TMEM221: variants seen among roughly 807,000 people sequenced by gnomAD.
The protein encoded by TMEM221 is transmembrane protein 221, also known as Putative transmembrane protein ENSP00000342162.
TMEM221 carries 11 observed loss-of-function variants against 10.2 expected under a neutral mutation model. The ratio of observed to expected loss-of-function variants is 1.08; its 90% confidence interval spans 0.68 to 1.79. The LOEUF (loss-of-function observed/expected upper bound fraction) is 1.79. TMEM221 is among the 40% of genes most tolerant of loss of function. TMEM221 has a pLI of 0.00. For missense variants in TMEM221, 382 were observed against 417.7 expected (o/e 0.91, Z 0.75); for synonymous variants, 172 against 199.8 (o/e 0.86, Z 1.18).
At chr19:17,441,829 C>A (rs2074933162) in intron 2 of TMEM221, among the ~76,000 whole-genome samples, 1 of 124,834 alleles carries the variant, frequency 8.0e-6, no homozygotes, top group Non-Finnish European at 1.8e-5. Context: ...AGGCCAAGGA[C>A]TTTTTTTTTT....
chr19:17,442,857 A>G (rs1280527388), intron 2 of TMEM221, among the ~76,000 whole-genome samples: 3 of 152,088 alleles, frequency 2.0e-5, no homozygotes, highest in Non-Finnish European at 4.4e-5. Context: ...TAAAAAAAAA[A>G]CTACTTCTGG....
chr19:17,444,042 T>G (rs571257601), intron 2 of TMEM221, among the ~76,000 whole-genome samples: 1 of 150,992 alleles, frequency 6.6e-6, no homozygotes, highest in Non-Finnish European at 1.5e-5. Context: ...CAAAACAGCT[T>G]TCACTCATTC....
intron 2 of TMEM221, among the ~76,000 whole-genome samples, chr19:17,439,320 A>G (rs569299341): frequency 6.6e-6 from 1 of 152,236 alleles, no homozygotes; most frequent in South Asian, 2.1e-4. Context: ...CCAGGAAAAC[A>G]TCGTTCTGAG....
chr19:17,440,020 C>T (rs1372740480), intron 2 of TMEM221, among the ~76,000 whole-genome samples: 1 of 151,916 alleles, frequency 6.6e-6, no homozygotes, highest in Non-Finnish European at 1.5e-5. Context: ...GAGACCAGTC[C>T]CTACAAAAAA....
chr19:17,445,446 C>T (rs1273666792), intron 1 of TMEM221, among the ~76,000 whole-genome samples, 162 bp from the exon 2 acceptor site: 1 of 152,148 alleles, frequency 6.6e-6, no homozygotes, highest in Non-Finnish European at 1.5e-5. Context: ...TCTACTTGCC[C>T]ACCCATTTAC....
intron 1 of TMEM221, among the ~76,000 whole-genome samples, chr19:17,446,772 G>A (rs1285901578): frequency 6.6e-6 from 1 of 152,010 alleles, no homozygotes; most frequent in Admixed American, 6.6e-5. Context: ...CCAAACTAGA[G>A]TGCAGTGGTT....
chr19:17,439,349 A>G (rs912846546), intron 2 of TMEM221, among the ~76,000 whole-genome samples: 2 of 152,096 alleles, frequency 1.3e-5, no homozygotes, highest in African/African-American at 2.4e-5. Flanking sequence ...GCCAGATGCA[A>G]ATAGCCACAG....
rs991433487 is a variant in TMEM221, at chr19:17,448,553, G to A, written c.-91C>T. 5 of 1,085,806 alleles carry A rather than the reference G, an allele frequency of 4.6e-6. No individual in the cohort carries two copies. Among genetic ancestry groups the A allele is most frequent in the African/African-American group, 1.7e-5 (1 of 59,904 alleles). The allele number at this position is 1,085,806 out of a possible 1,614,324, so 67.3% of individuals were successfully genotyped here. On this transcript the variant is annotated 5_prime_UTR_variant, in exon 1 of 3. Transcript: ENST00000341130. This position sits in a 1 kb window ranked among gnomAD's most constrained non-coding sequence, Gnocchi z 4.7. The stretch of plus-strand genomic sequence containing the variant: ...TTGGGGGGAATCCGAGGGTCCTCAG[G>A]GGGTCCCCGAGGGGGCGGGGCCGCA...
chr19:17,447,795 C>T (rs1378930475), intron 1 of TMEM221, among the ~76,000 whole-genome samples: 3 of 152,142 alleles, frequency 2.0e-5, no homozygotes, highest in African/African-American at 7.2e-5. Context: ...AGCACTGTCC[C>T]GCCTCCCACC....
intron 2 of TMEM221, among the ~76,000 whole-genome samples, chr19:17,444,118 G>C (rs8101151): frequency 0.26 from 25,230 of 97,680 alleles, 2,358 homozygotes; most frequent in Middle Eastern, 0.34. Context: ...TTTTGCCCTT[G>C]TTGCCCAGGC....
At position 17,448,230 on chromosome 19, in the gene TMEM221, A is replaced by ACCAGCGCGG. The variant is rs888464097; in HGVS notation, c.224_232dup (p.Ala75_Leu77dup). On this transcript the variant is annotated inframe_insertion, in exon 1 of 3. Coordinates refer to ENST00000341130, the MANE Select transcript of TMEM221 (RefSeq NM_001190844.2). This position sits in a 1 kb window ranked among gnomAD's most constrained non-coding sequence, Gnocchi z 4.7. Reference sequence around the variant, plus strand: ...CAAGCAGGTGAACCCCAGCACGAGCACCAGCGCGGCCAGCGCGGCGGCCAG... The same window carrying ACCAGCGCGG: ...CAAGCAGGTGAACCCCAGCACGAGCACCAGCGCGGCCAGCGCGGCCAGCGCGGCGGCCAG... The ACCAGCGCGG allele has an allele frequency of 3.7e-6, 5 of 1,349,032 alleles. No individual in the cohort carries two copies. The highest frequency in any genetic ancestry group is 4.8e-6 in the Non-Finnish European group (5 of 1,050,812). The allele number at this position is 1,349,032 out of a possible 1,614,324, so 83.6% of individuals were successfully genotyped here.
At chr19:17,445,866 T>TTATC (rs150952838) in intron 1 of TMEM221, among the ~76,000 whole-genome samples, 7,565 of 151,776 alleles carry the variant, frequency 0.05, 498 homozygotes, top group African/African-American at 0.15. Flanking sequence ...ATCCATCCAC[T>TTATC]TATCCATCCA....
rs1308507887 is a variant in TMEM221, at chr19:17,436,511, G to A, written c.823C>T (p.Arg275Ter). ...CTCCCTGGTCTGTGGCCCAGCATTC[G>A]ACGCATCTCGTGCGTAACCCCGTCC... ...HWDGVTHEMR[R>*]MLGHRPGSMG... Residue 275 changes from arginine to a stop codon, truncating the protein, a stop_gained, in exon 3 of 3, where the codon CGA (arginine) becomes TGA (stop). Coordinates refer to ENST00000341130, the MANE Select transcript of TMEM221 (RefSeq NM_001190844.2). LOFTEE classifies it high-confidence loss of function. The A allele has an allele frequency of 2.3e-5, 35 of 1,534,706 alleles. No individual in the cohort carries two copies. The highest frequency in any genetic ancestry group is 4.8e-5 in the South Asian group (4 of 83,942).
At chr19:17,444,816 T>G (rs1293407825) in intron 2 of TMEM221, 2 of 142,038 alleles carry the variant, frequency 1.4e-5, no homozygotes, top group Non-Finnish European at 3.0e-5. Flanking sequence ...ATATAGTTTT[T>G]TTTTTTTTTG....
chr19:17,439,540 TAGCC>T (rs1485250240), intron 2 of TMEM221, among the ~76,000 whole-genome samples: 1 of 151,664 alleles, frequency 6.6e-6, no homozygotes, highest in Non-Finnish European at 1.5e-5. Context: ...ATATAAAAAG[TAGCC>T]AGGTGTGGTG....
At chr19:17,444,589 G>A (rs2074944938) in intron 2 of TMEM221, among the ~76,000 whole-genome samples, 1 of 143,500 alleles carries the variant, frequency 7.0e-6, no homozygotes. Flanking sequence ...AGTGCAGTGG[G>A]GTGATCATGG....
At chr19:17,439,836 A>G (rs1459921937) in intron 2 of TMEM221, among the ~76,000 whole-genome samples, 1 of 152,158 alleles carries the variant, frequency 6.6e-6, no homozygotes, top group Non-Finnish European at 1.5e-5. Flanking sequence ...CTGGAACCAG[A>G]TAGTAGCGAT....
At position 17,436,776 on chromosome 19, in the gene TMEM221, CA is replaced by C; in HGVS notation, c.557del (p.Leu186CysfsTer113). 1 of 1,520,330 alleles carries C rather than the reference CA, an allele frequency of 6.6e-7. No homozygotes were observed. Among genetic ancestry groups the C allele is most frequent in the Non-Finnish European group, 8.8e-7 (1 of 1,137,034 alleles). The allele number at this position is 1,520,330 out of a possible 1,614,324, so 94.2% of individuals were successfully genotyped here. A position where few individuals can be genotyped will look rare whatever the true frequency, so the allele number is the denominator to read the frequency against. ...GGTCGTCTTCAAAGGATGGCGGGGA[CA>C]ACTCATGGAGCCCACGGCGGGCAGC... ...ARAARRGLHE[L>X]SPPSFEDDLA... On this transcript the variant is annotated frameshift_variant, in exon 3 of 3. Transcript: ENST00000341130. LOFTEE classifies it low-confidence loss of function (END_TRUNC).
chr19:17,446,392 AGGAAAC>A (rs2074953396), intron 1 of TMEM221, among the ~76,000 whole-genome samples: 1 of 152,222 alleles, frequency 6.6e-6, no homozygotes, highest in Non-Finnish European at 1.5e-5. Context: ...TTGAGAGATG[AGGAAAC>A]TGAGTTTCAC....
Sources: gnomAD v4.1 joint callset for allele counts (sites outside exome capture counted in the v4.1 genomes callset) on GRCh38, gnomAD v4.1.1 for gene constraint, Gnocchi (gnomAD v3.1) non-coding constraint, MANE v1.5 for transcripts, NCBI Gene and HGNC (gene_info 2026-07-23, HGNC 2026-07-21) for gene names.